The following TENM3 variants were observed in gnomAD, a reference collection of about 807,000 sequenced individuals.
The protein encoded by TENM3 is teneurin-3.
TENM3 carries 63 observed loss-of-function variants against 255.1 expected under a neutral mutation model. The observed-to-expected ratio is 0.25, with a 90% CI of 0.20 to 0.30. The LOEUF (loss-of-function observed/expected upper bound fraction) is 0.30, where lower values mean the gene tolerates loss of function less well. Among genes scored for constraint, TENM3 ranks in the 10% least tolerant of loss-of-function variants. TENM3 has a pLI of 1.00. For synonymous variants in TENM3, 1,306 were observed against 1,322.3 expected (o/e 0.99, Z 0.27); for missense variants, 2,929 against 3,461.1 (o/e 0.85, Z 3.86).
chr4:181,488,095 A>G, the TENM3 span, among the ~76,000 whole-genome samples: 1 of 152,248 alleles, frequency 6.6e-6, no homozygotes, highest in African/African-American at 2.4e-5. Flanking sequence ...CTTTGCAGTC[A>G]GGCAGCCAGT....
chr4:182,389,838 A>G (rs1183955638), intron 3 of TENM3, among the ~76,000 whole-genome samples: 3 of 151,958 alleles, frequency 2.0e-5, no homozygotes, highest in Non-Finnish European at 2.9e-5. Flanking sequence ...GGCGCCCGCC[A>G]CCACTCCCGG....
At chr4:181,629,262 T>A in the TENM3 span, among the ~76,000 whole-genome samples, 11 of 152,328 alleles carry the variant, frequency 7.2e-5, no homozygotes, top group Admixed American at 2.0e-4. Context: ...TTTCTAAATA[T>A]ACAGTCATGT....
chr4:182,632,936 T>C (rs1055654399), intron 5 of TENM3, among the ~76,000 whole-genome samples: 1 of 152,112 alleles, frequency 6.6e-6, no homozygotes, highest in African/African-American at 2.4e-5. Context: ...TCTTTTATAT[T>C]TTTATTTTTT....
At chr4:181,475,829 AAAC>A in the TENM3 span, among the ~76,000 whole-genome samples, 3 of 152,252 alleles carry the variant, frequency 2.0e-5, no homozygotes, top group East Asian at 5.8e-4. Flanking sequence ...ATTATCCTTC[AAAC>A]TGAATGTAGG....
intron 19 of TENM3, among the ~76,000 whole-genome samples, chr4:182,747,975 C>A (rs1052957444): frequency 1.3e-5 from 2 of 152,214 alleles, no homozygotes; most frequent in African/African-American, 4.8e-5. Context: ...CAGTTTCCAA[C>A]TCAGAAGATA....
chr4:181,725,482 T>C, the TENM3 span, among the ~76,000 whole-genome samples: 1 of 149,914 alleles, frequency 6.7e-6, no homozygotes, highest in Non-Finnish European at 1.5e-5. Flanking sequence ...TTAGACGGAG[T>C]CTCACTCTGT....
At chr4:182,515,265 G>A (rs571652360) in intron 3 of TENM3, among the ~76,000 whole-genome samples, 16 of 152,328 alleles carry the variant, frequency 1.1e-4, no homozygotes, top group African/African-American at 3.6e-4. Context: ...CAGTCACTAA[G>A]TGAGGCGCAG....
chr4:182,460,727 C>T (rs556029911), intron 3 of TENM3, among the ~76,000 whole-genome samples: 21 of 152,230 alleles, frequency 1.4e-4, no homozygotes, highest in African/African-American at 4.8e-4. Context: ...TTATATATTT[C>T]GGTGATGTTA....
chr4:182,020,621 A>G, the TENM3 span, among the ~76,000 whole-genome samples: 9 of 152,196 alleles, frequency 5.9e-5, no homozygotes, highest in Non-Finnish European at 1.2e-4. Context: ...TTTGATCACT[A>G]TACATTATAT....
the TENM3 span, among the ~76,000 whole-genome samples, chr4:181,801,599 G>A: frequency 1.4e-5 from 2 of 140,854 alleles, no homozygotes; most frequent in Non-Finnish European, 3.1e-5. Flanking sequence ...CCTAAGGCTG[G>A]CTCATGGCTT....
At chr4:182,276,906 C>A (rs1579989736) in intron 1 of TENM3, among the ~76,000 whole-genome samples, 1 of 152,198 alleles carries the variant, frequency 6.6e-6, no homozygotes, top group South Asian at 2.1e-4. Context: ...ACACTGAACT[C>A]AGCTCAGTCC....
intron 3 of TENM3, among the ~76,000 whole-genome samples, chr4:182,423,915 C>A (rs1033353600): frequency 1.3e-5 from 2 of 152,020 alleles, no homozygotes; most frequent in Admixed American, 1.3e-4. Context: ...CCAGATTGTA[C>A]TTAATGAAAA....
chr4:181,834,460 A>C, the TENM3 span, among the ~76,000 whole-genome samples: 5 of 152,258 alleles, frequency 3.3e-5, no homozygotes, highest in African/African-American at 1.2e-4. Context: ...GCTGGGCTGC[A>C]GGAAGGCTCA....
At chr4:181,530,491 A>C in the TENM3 span, among the ~76,000 whole-genome samples, 11,841 of 152,234 alleles carry the variant, frequency 0.078, 1,134 homozygotes, top group African/African-American at 0.22. Context: ...ACAGGTAACT[A>C]ATATTCACCC....
At chr4:182,745,509 C>T (rs1158481352) in intron 19 of TENM3, among the ~76,000 whole-genome samples, 1 of 152,164 alleles carries the variant, frequency 6.6e-6, no homozygotes, top group African/African-American at 2.4e-5. Context: ...CGGGCCTATT[C>T]CATGCCGGGC....
chr4:182,449,020 C>G (rs1344053172), intron 3 of TENM3: 2 of 390,888 alleles, frequency 5.1e-6, no homozygotes, highest in Non-Finnish European at 1.0e-5. Flanking sequence ...CGCTCCAGAC[C>G]CAGGCAACTT....
intron 3 of TENM3, among the ~76,000 whole-genome samples, chr4:182,359,436 G>A (rs1765802612): frequency 6.7e-6 from 1 of 149,972 alleles, no homozygotes; most frequent in Non-Finnish European, 1.5e-5. Context: ...CTTCTTCCTG[G>A]TTTAGTCTAG....
chr4:182,209,311 C>T (rs1379883141), intron 1 of TENM3, among the ~76,000 whole-genome samples: 6 of 150,958 alleles, frequency 4.0e-5, no homozygotes, highest in Admixed American at 4.0e-4. Flanking sequence ...GTTGTTTTGA[C>T]ACTGCCATGC....
At chr4:181,707,313 G>A in the TENM3 span, among the ~76,000 whole-genome samples, 1 of 152,102 alleles carries the variant, frequency 6.6e-6, no homozygotes, top group Non-Finnish European at 1.5e-5. Flanking sequence ...TTTCTGCCGG[G>A]CCCATTTTTC....
Sources: allele counts gnomAD v4.1 joint callset (sites outside exome capture counted in the v4.1 genomes callset), GRCh38; gene constraint gnomAD v4.1.1; transcripts MANE v1.5; gene names NCBI Gene and HGNC (gene_info 2026-07-23, HGNC 2026-07-21).